GPC6: variants seen among roughly 807,000 people sequenced by gnomAD.
GPC6 encodes glypican 6.
In GPC6, 14 loss-of-function variants were observed where a neutral mutation model predicts 55.2. That is an observed-to-expected ratio of 0.25 (90% CI 0.17 to 0.40). The LOEUF (loss-of-function observed/expected upper bound fraction) is 0.40. GPC6 is among the 10% of genes least tolerant of loss of function. The pLI is 1.00. For missense variants in GPC6, 641 were observed against 708.5 expected (o/e 0.90, Z 1.08); for synonymous variants, 278 against 259.6 (o/e 1.07, Z -0.68).
At chr13:93,917,841 G>C (rs1014292871) in intron 3 of GPC6, among the ~76,000 whole-genome samples, 12 of 152,228 alleles carry the variant, frequency 7.9e-5, no homozygotes, top group African/African-American at 2.9e-4. Flanking sequence ...GCTCACGCCT[G>C]TAATCCCAGC....
At chr13:94,103,010 A>G (rs1015615773) in intron 4 of GPC6, among the ~76,000 whole-genome samples, 2 of 152,096 alleles carry the variant, frequency 1.3e-5, no homozygotes, top group African/African-American at 2.4e-5. Context: ...TACATTAGGT[A>G]TTTCTCCTAA....
chr13:93,596,631 A>G (rs1877749384), intron 2 of GPC6, among the ~76,000 whole-genome samples: 1 of 147,466 alleles, frequency 6.8e-6, no homozygotes, highest in Non-Finnish European at 1.5e-5. Flanking sequence ...ATATATATAT[A>G]TATAATGTAT....
At chr13:94,048,903 C>T (rs904421444) in intron 4 of GPC6, among the ~76,000 whole-genome samples, 28 of 152,104 alleles carry the variant, frequency 1.8e-4, no homozygotes, top group African/African-American at 6.7e-4. Flanking sequence ...GCATTTCCTC[C>T]TGTGTCTTCA....
Position 94,100,361 on chromosome 13 carries a change from A to T in GPC6, c.877+72467A>T, listed in dbSNP as rs534560191. ...TTCTTCACATTTCAGTGTTTAATAC[A>T]TTACTCTAAAGGGGCAAACATACTA... On this transcript the variant is annotated intron_variant, in intron 4 of 8. Transcript: ENST00000377047. Among the ~76,000 whole-genome samples, 93 of 152,338 alleles carry T rather than the reference A, an allele frequency of 6.1e-4. 1 individual carries two copies. In the South Asian group the frequency reaches 0.019, roughly 30 times the overall value.
intron 1 of GPC6, among the ~76,000 whole-genome samples, chr13:93,539,159 T>C (rs144309063): frequency 9.2e-5 from 14 of 152,308 alleles, no homozygotes; most frequent in Middle Eastern, 3.4e-3. Context: ...TTTGTCCTTA[T>C]AATTTGGGCT....
At chr13:93,779,398 T>G (rs934219004) in intron 2 of GPC6, among the ~76,000 whole-genome samples, 3 of 152,214 alleles carry the variant, frequency 2.0e-5, no homozygotes, top group Non-Finnish European at 4.4e-5. Context: ...GTGTCTTTGT[T>G]AAAAATTATG....
chr13:93,774,789 C>G (rs895666736), intron 2 of GPC6, among the ~76,000 whole-genome samples: 2 of 152,070 alleles, frequency 1.3e-5, no homozygotes, highest in African/African-American at 4.8e-5. Context: ...CTGTAAGGGG[C>G]CTGTACTTGA....
intron 6 of GPC6, among the ~76,000 whole-genome samples, chr13:94,370,842 T>C (rs546591032): frequency 1.1e-4 from 17 of 152,332 alleles, no homozygotes; most frequent in African/African-American, 4.1e-4. Flanking sequence ...GAAATTTACA[T>C]AAAAACAGAA....
intron 2 of GPC6, among the ~76,000 whole-genome samples, chr13:93,573,756 C>A (rs1362365857): frequency 6.6e-6 from 1 of 152,100 alleles, no homozygotes; most frequent in African/African-American, 2.4e-5. Flanking sequence ...AAGCTTCTTC[C>A]CCCAACACAC....
At chr13:93,817,280 G>A (rs1203711331) in intron 2 of GPC6, among the ~76,000 whole-genome samples, 2 of 152,168 alleles carry the variant, frequency 1.3e-5, no homozygotes, top group African/African-American at 4.8e-5. Flanking sequence ...ATAGTATTTG[G>A]TGTTAGCTTT....
At chr13:93,236,096 C>T (rs893731544) in intron 1 of GPC6, among the ~76,000 whole-genome samples, 4 of 152,326 alleles carry the variant, frequency 2.6e-5, no homozygotes, top group Admixed American at 6.5e-5. Flanking sequence ...GATGCCCACC[C>T]TTCTCATTTT....
chr13:93,995,289 G>A lies in GPC6; in HGVS notation c.712-32440G>A, dbSNP rs563051891. ...TACAACTTCTGCCTCCTGGGTTCAAGCAATTCTCCTGGCACAGCCTCCCAA... is the reference window on the plus strand; with the variant it reads ...TACAACTTCTGCCTCCTGGGTTCAAACAATTCTCCTGGCACAGCCTCCCAA... On this transcript the variant is annotated intron_variant, in intron 3 of 8. Transcript: ENST00000377047. 1.1e-4 allele frequency among the ~76,000 whole-genome samples: 17 copies of A among 152,078 alleles called. No individual in the cohort carries two copies. In the South Asian group the frequency reaches 3.5e-3, roughly 32 times the overall value.
At chr13:93,825,860 C>CTTTTTTTTTTTTTTTTTTTTTTTTTTT (rs1029574657) in intron 2 of GPC6, among the ~76,000 whole-genome samples, 17 of 124,178 alleles carry the variant, frequency 1.4e-4, no homozygotes, top group South Asian at 2.7e-4. Context: ...TTATTATTTT[C>CTTTTTTTTTTTTTTTTTTTTTTTTTTT]TTTTTTTTTT....
intron 3 of GPC6, among the ~76,000 whole-genome samples, chr13:93,954,941 T>C (rs904309645): frequency 6.6e-6 from 1 of 152,120 alleles, no homozygotes; most frequent in Non-Finnish European, 1.5e-5. Flanking sequence ...GTTCTTGAGT[T>C]GTCCCCATAA....
intron 1 of GPC6, among the ~76,000 whole-genome samples, chr13:93,417,996 A>T (rs1876768601): frequency 6.6e-6 from 1 of 152,100 alleles, no homozygotes; most frequent in South Asian, 2.1e-4. Flanking sequence ...ATAAGAATCG[A>T]TACTTTACTT....
At chr13:93,692,638 A>G (rs17267898) in intron 2 of GPC6, among the ~76,000 whole-genome samples, 1 of 151,826 alleles carries the variant, frequency 6.6e-6, no homozygotes, top group African/African-American at 2.4e-5. Flanking sequence ...AAATTTTAGT[A>G]CTTATTTTCT....
intron 4 of GPC6, among the ~76,000 whole-genome samples, chr13:94,067,870 A>G (rs1027370355): frequency 1.3e-5 from 2 of 152,310 alleles, no homozygotes; most frequent in Admixed American, 1.3e-4. Context: ...AAAGATAAGG[A>G]TACTAATGAA....
chr13:94,228,081 C>CTTA (rs1447074466), intron 4 of GPC6, among the ~76,000 whole-genome samples: 3 of 152,132 alleles, frequency 2.0e-5, no homozygotes, highest in Non-Finnish European at 4.4e-5. Context: ...ATTAATTGTT[C>CTTA]CGTGGGACAA....
intron 4 of GPC6, among the ~76,000 whole-genome samples, chr13:94,074,286 AT>A (rs1270501250): frequency 2.0e-5 from 3 of 152,252 alleles, no homozygotes; most frequent in African/African-American, 7.2e-5. Flanking sequence ...ACGTTTGCTC[AT>A]TCCTCTGTTT....
Sources: allele counts gnomAD v4.1 joint callset (sites outside exome capture counted in the v4.1 genomes callset), GRCh38; gene constraint gnomAD v4.1.1; transcripts MANE v1.5; gene names NCBI Gene and HGNC (gene_info 2026-07-23, HGNC 2026-07-21).